THSD7A: variants seen among roughly 807,000 people sequenced by gnomAD.
THSD7A encodes thrombospondin type 1 domain containing 7A.
In THSD7A, 96 loss-of-function variants were observed where a neutral mutation model predicts 231.3. That is an observed-to-expected ratio of 0.41 (90% confidence interval 0.35 to 0.49). THSD7A has a LOEUF of 0.49. THSD7A is among the 20% of genes least tolerant of loss of function. THSD7A has a pLI of 0.05. For synonymous variants in THSD7A, 940 were observed against 743.3 expected, an observed-to-expected ratio of 1.26 and a Z score of -4.30; for missense variants, 2,290 against 2,070.2, an observed-to-expected ratio of 1.11 and a Z score of -2.06.
At chr7:11,769,655 T>C (rs1480048565) in intron 1 of THSD7A, among the ~76,000 whole-genome samples, 3 of 152,186 alleles carry the variant, frequency 2.0e-5, no homozygotes, top group Non-Finnish European at 2.9e-5. Context: ...CTCACCTGAT[T>C]TATTAATGTT....
Position 11,737,699 on chromosome 7 carries a change from T to C in THSD7A, c.190+94058A>G, listed in dbSNP as rs150141900. ...AAGTTCTAGAAATTTTGGGGCTATATATTATAGTTTCATCATTTTCTATGT... is the reference window on the plus strand; with the variant it reads ...AAGTTCTAGAAATTTTGGGGCTATACATTATAGTTTCATCATTTTCTATGT... On this transcript the variant is annotated intron_variant, in intron 1 of 27. Coordinates refer to ENST00000423059, the MANE Select transcript of THSD7A (RefSeq NM_015204.3). Among the ~76,000 whole-genome samples, 57 of 152,160 alleles carry C rather than the reference T, an allele frequency of 3.7e-4. 1 individual carries two copies. The East Asian group carries it at 5.4e-3, about 15-fold the overall frequency.
chr7:11,387,031 T>C (rs777030437), intron 23 of THSD7A, among the ~76,000 whole-genome samples: 1 of 152,060 alleles, frequency 6.6e-6, no homozygotes, highest in Admixed American at 6.6e-5. Flanking sequence ...AGATGTGTGG[T>C]GTTATTTCTG....
At chr7:11,696,598 C>T (rs981470862) in intron 1 of THSD7A, among the ~76,000 whole-genome samples, 3 of 151,202 alleles carry the variant, frequency 2.0e-5, no homozygotes, top group Non-Finnish European at 3.0e-5. Flanking sequence ...TCCCCCTCCC[C>T]CCGACAGGCC....
At chr7:11,594,605 A>T (rs1479212820) in intron 2 of THSD7A, among the ~76,000 whole-genome samples, 1 of 152,176 alleles carries the variant, frequency 6.6e-6, no homozygotes, top group African/African-American at 2.4e-5. Flanking sequence ...TTGACCATAT[A>T]TGGAGAACCA....
At position 11,374,764 on chromosome 7, in the gene THSD7A, T is replaced by C. The variant is rs1782198111; in HGVS notation, c.*1030A>G. The C allele has an allele frequency of 6.6e-6, 1 of 152,064 alleles. No individual in the cohort carries two copies. Among genetic ancestry groups the C allele is most frequent in the Non-Finnish European group, 1.5e-5 (1 of 67,990 alleles). The allele number at this position is 152,064 out of a possible 1,614,324, so 9.4% of individuals were successfully genotyped here. On this transcript the variant is annotated 3_prime_UTR_variant, in exon 28 of 28. Coordinates refer to ENST00000423059, the MANE Select transcript of THSD7A (RefSeq NM_015204.3). ...GACTTCAACACTTAAATTACCGCCA[T>C]GTTGTCAATTTCACAATGGCTGCAG...
At chr7:11,732,568 T>C (rs1781773752) in intron 1 of THSD7A, among the ~76,000 whole-genome samples, 1 of 152,018 alleles carries the variant, frequency 6.6e-6, no homozygotes, top group Admixed American at 6.6e-5. Context: ...ATATAGTTTA[T>C]GTATAAAACA....
At chr7:11,585,240 C>T (rs1791349780) in intron 4 of THSD7A, among the ~76,000 whole-genome samples, 1 of 152,104 alleles carries the variant, frequency 6.6e-6, no homozygotes, top group Admixed American at 6.6e-5. Context: ...TACCTTTTAC[C>T]CCAACAGCTG....
At chr7:11,682,890 C>A (rs985173725) in intron 1 of THSD7A, among the ~76,000 whole-genome samples, 2 of 151,692 alleles carry the variant, frequency 1.3e-5, no homozygotes, top group African/African-American at 4.8e-5. Context: ...AAAAAATCAC[C>A]GAGGCTGCTG....
chr7:11,612,884 C>A lies in THSD7A; in HGVS notation c.1023-19382G>T, dbSNP rs569412611. On this transcript the variant is annotated intron_variant, in intron 2 of 27. Transcript: ENST00000423059. ...AATATCTTATTATAAACCTGTTGACCTTTTGTATTTCCTCTTTGCTTTCAT... is the reference window on the plus strand; with the variant it reads ...AATATCTTATTATAAACCTGTTGACATTTTGTATTTCCTCTTTGCTTTCAT... Among the ~76,000 whole-genome samples, 5 of 152,176 alleles carry A rather than the reference C, an allele frequency of 3.3e-5. No homozygotes were observed. The South Asian group carries it at 1.0e-3, about 32-fold the overall frequency.
chr7:11,618,248 G>A (rs1584091547), intron 2 of THSD7A, among the ~76,000 whole-genome samples: 1 of 152,068 alleles, frequency 6.6e-6, no homozygotes, highest in African/African-American at 2.4e-5. Flanking sequence ...ACTTGGAGGG[G>A]TTTCTACAGG....
intron 4 of THSD7A, among the ~76,000 whole-genome samples, chr7:11,577,927 A>G (rs1790990698): frequency 6.6e-6 from 1 of 152,190 alleles, no homozygotes; most frequent in South Asian, 2.1e-4. Context: ...TATTCTGACT[A>G]CCATAACTAT....
intron 1 of THSD7A, among the ~76,000 whole-genome samples, chr7:11,773,377 C>T (rs150833761): frequency 3.7e-4 from 56 of 151,916 alleles, no homozygotes; most frequent in African/African-American, 1.2e-3. Flanking sequence ...TACTAAAATA[C>T]GAAATTAGCC....
chr7:11,442,183 AATACT>A (rs1784827790), intron 13 of THSD7A, among the ~76,000 whole-genome samples: 1 of 152,012 alleles, frequency 6.6e-6, no homozygotes, highest in Non-Finnish European at 1.5e-5. Context: ...GCTCCCAAAG[AATACT>A]ATAATATCTG....
At chr7:11,702,157 A>G (rs941323703) in intron 1 of THSD7A, among the ~76,000 whole-genome samples, 3 of 151,252 alleles carry the variant, frequency 2.0e-5, no homozygotes, top group African/African-American at 7.3e-5. Context: ...ATCACCAGAA[A>G]AAAGGGTTAA....
intron 11 of THSD7A, among the ~76,000 whole-genome samples, chr7:11,457,210 A>T (rs531262505): frequency 6.6e-6 from 1 of 152,118 alleles, no homozygotes; most frequent in Admixed American, 6.6e-5. Context: ...CTACAGCTAC[A>T]TTTCTACATT....
rs558364397 is a variant in THSD7A, at chr7:11,615,733, G to A, written c.1022+20397C>T. On this transcript the variant is annotated intron_variant, in intron 2 of 27. Transcript: ENST00000423059. ...AATTGCCAATTTCCAATGACAATGT[G>A]CAATTGTAGTCAATGTCATCTGTCT... is the stretch of plus-strand genomic sequence containing the variant. 1.3e-3 allele frequency among the ~76,000 whole-genome samples: 199 copies of A among 152,178 alleles called. 1 individual carries two copies. Among genetic ancestry groups the A allele is most frequent in the African/African-American group, 4.6e-3 (190 of 41,534 alleles).
rs117209682 is a variant in THSD7A, at chr7:11,506,094, T to C, written c.1823-24112A>G. On this transcript the variant is annotated intron_variant, in intron 6 of 27. Transcript: ENST00000423059. ...GCATCCTCAGTACATGCAGATAATT[T>C]AACTTCAAAAGGGGGCCCTCCCCAG... Among the ~76,000 whole-genome samples, 1,389 of 152,258 alleles carry C rather than the reference T, an allele frequency of 9.1e-3. 7 individuals carry two copies. The highest frequency in any genetic ancestry group is 0.031 in the Middle Eastern group (9 of 294).
At chr7:11,813,516 A>G (rs1784590751) in intron 1 of THSD7A, among the ~76,000 whole-genome samples, 2 of 152,166 alleles carry the variant, frequency 1.3e-5, no homozygotes, top group East Asian at 3.9e-4. Context: ...GATCCAGACC[A>G]TCCTGGCCAA....
intron 1 of THSD7A, among the ~76,000 whole-genome samples, chr7:11,802,133 A>G (rs1583302826): frequency 2.0e-5 from 3 of 152,196 alleles, no homozygotes; most frequent in Admixed American, 2.0e-4. Context: ...GAAATTTTCA[A>G]CTTAATTATT....
Sources: allele counts gnomAD v4.1 joint callset (sites outside exome capture counted in the v4.1 genomes callset), GRCh38; gene constraint gnomAD v4.1.1; transcripts MANE v1.5; gene names NCBI Gene and HGNC (gene_info 2026-07-23, HGNC 2026-07-21).